Variants in MDGA2 observed in about 807,000 individuals in gnomAD.
MDGA2 encodes the protein MAM domain containing glycosylphosphatidylinositol anchor 2.
A neutral mutation model predicts 117.8 loss-of-function variants in MDGA2; 40 were observed. That is an observed-to-expected ratio of 0.34 (90% confidence interval 0.26 to 0.44). The LOEUF is 0.44. Ranked by LOEUF, MDGA2 falls within the 20% of genes least tolerant of loss-of-function variation. MDGA2 has a pLI of 1.00. For synonymous variants in MDGA2, 452 were observed against 439.0 expected (o/e 1.03, Z -0.37); for missense variants, 1,123 against 1,250.6 (o/e 0.90, Z 1.54).
intron 3 of MDGA2, among the ~76,000 whole-genome samples, chr14:47,162,077 C>T (rs2139280052): frequency 6.6e-6 from 1 of 151,682 alleles, no homozygotes; most frequent in South Asian, 2.1e-4. Context: ...TCCCAAGTAG[C>T]TGGGACTACA....
At chr14:47,214,592 A>G (rs1355134565) in intron 3 of MDGA2, among the ~76,000 whole-genome samples, 1 of 152,154 alleles carries the variant, frequency 6.6e-6, no homozygotes, top group African/African-American at 2.4e-5. Flanking sequence ...CAATAAAGAT[A>G]CATAAACTTT....
At chr14:47,242,806 C>T (rs1360764209) in intron 2 of MDGA2, among the ~76,000 whole-genome samples, 4 of 151,872 alleles carry the variant, frequency 2.6e-5, no homozygotes, top group Non-Finnish European at 5.9e-5. Context: ...TCCCATCGAC[C>T]ACCCAAGGGC....
intron 1 of MDGA2, among the ~76,000 whole-genome samples, chr14:47,538,037 TAC>T (rs1386221419): frequency 2.0e-4 from 31 of 152,206 alleles, no homozygotes; most frequent in Non-Finnish European, 4.4e-4. Flanking sequence ...TTTAAGACAA[TAC>T]AGATTCAGAT....
rs1889633608 is a variant in MDGA2 at position 47,311,494 on chromosome 14, A to G, written c.281-9944T>C. Among the ~76,000 whole-genome samples the G allele has an allele frequency of 2.0e-5, 3 of 151,906 alleles. No homozygotes were observed. In the South Asian group the frequency reaches 6.2e-4, roughly 32 times the overall value. ...CATGGACAAGTTTCTTAGCCTGTCA[A>G]AAAAAAACATCTTGGATCCCAGGAG... On this transcript the variant is annotated intron_variant, in intron 1 of 16. Coordinates refer to ENST00000399232, the MANE Select transcript of MDGA2 (RefSeq NM_001113498.3).
chr14:47,419,934 A>C (rs1892545223), intron 1 of MDGA2, among the ~76,000 whole-genome samples: 1 of 152,104 alleles, frequency 6.6e-6, no homozygotes, highest in Non-Finnish European at 1.5e-5. Context: ...AACAAGAATA[A>C]TCCAAAAATT....
chr14:47,273,474 T>C (rs1005462807), intron 2 of MDGA2, among the ~76,000 whole-genome samples: 1 of 152,156 alleles, frequency 6.6e-6, no homozygotes, highest in African/African-American at 2.4e-5. Flanking sequence ...TCATAAGGGA[T>C]TTTTTGAATT....
At chr14:47,239,139 T>TA in intron 2 of MDGA2, among the ~76,000 whole-genome samples, 1 of 151,244 alleles carries the variant, frequency 6.6e-6, no homozygotes, top group East Asian at 1.9e-4. Context: ...GAGGGCCTAA[T>TA]ATGAACCTCA....
At chr14:47,323,971 C>A (rs191646780) in intron 1 of MDGA2, among the ~76,000 whole-genome samples, 5 of 151,896 alleles carry the variant, frequency 3.3e-5, no homozygotes, top group African/African-American at 9.7e-5. Flanking sequence ...GTGGGCCAGG[C>A]GTGGTGGCTC....
chr14:47,103,913 C>A (rs10145799), intron 5 of MDGA2, among the ~76,000 whole-genome samples: 1 of 151,930 alleles, frequency 6.6e-6, no homozygotes, highest in Non-Finnish European at 1.5e-5. Flanking sequence ...GGCCCTGTGA[C>A]AGTAAGCTGT....
At chr14:47,077,018 C>T (rs1403301162) in intron 6 of MDGA2, among the ~76,000 whole-genome samples, 1 of 151,966 alleles carries the variant, frequency 6.6e-6, no homozygotes, top group Admixed American at 6.6e-5. Context: ...ACTTGTCTGG[C>T]TGGCAACTCA....
rs1219754522 is a variant in MDGA2 at position 47,199,833 on chromosome 14, C to T, written c.595+18188G>A. Among the ~76,000 whole-genome samples the T allele has an allele frequency of 3.9e-5, 6 of 152,194 alleles. No homozygotes were observed. The East Asian group carries it at 9.6e-4, about 24-fold the overall frequency. On this transcript the variant is annotated intron_variant, in intron 3 of 16. Transcript: ENST00000399232. ...TTGATAGTCAGAAGTTTTAGAACAACATAATGTATGACATTTCTACTTCAT... is the reference window on the plus strand; with the variant it reads ...TTGATAGTCAGAAGTTTTAGAACAATATAATGTATGACATTTCTACTTCAT...
At position 47,612,590 on chromosome 14, in the gene MDGA2, T is replaced by C. The variant is rs186854341; in HGVS notation, c.280+61927A>G. Among the ~76,000 whole-genome samples the C allele has an allele frequency of 7.0e-3, 1,071 of 152,226 alleles. 11 individuals are homozygous for C. The highest frequency in any genetic ancestry group is 0.014 in the Middle Eastern group (4 of 294). ...CTGTCTTTCAACTTCTCAAACAGCA[T>C]TTATAACGTAATTTTTTAAATTACT... On this transcript the variant is annotated intron_variant, in intron 1 of 16. Transcript: ENST00000399232.
At chr14:47,169,655 C>T in intron 3 of MDGA2, among the ~76,000 whole-genome samples, 1 of 151,860 alleles carries the variant, frequency 6.6e-6, no homozygotes, top group South Asian at 2.1e-4. Flanking sequence ...CAAAAGTAAG[C>T]CTAGCATTAG....
chr14:47,536,634 T>C (rs777251732), intron 1 of MDGA2, among the ~76,000 whole-genome samples: 107 of 152,236 alleles, frequency 7.0e-4, no homozygotes, highest in Non-Finnish European at 1.1e-3. Flanking sequence ...GAGTTTGTAA[T>C]GAAGTGAAAA....
chr14:47,248,593 T>A (rs562116222), intron 2 of MDGA2, among the ~76,000 whole-genome samples: 6 of 146,406 alleles, frequency 4.1e-5, no homozygotes, highest in South Asian at 2.1e-4. Context: ...TAAGTCAAAA[T>A]TGGCAGATGG....
chr14:46,846,201 G>C (rs993545092), intron 15 of MDGA2, among the ~76,000 whole-genome samples: 9 of 152,030 alleles, frequency 5.9e-5, no homozygotes, highest in Non-Finnish European at 1.3e-4. Flanking sequence ...TATTTGAAAA[G>C]TCTTTCTCTG....
chr14:47,339,813 A>G (rs1890566868), intron 1 of MDGA2, among the ~76,000 whole-genome samples: 1 of 152,128 alleles, frequency 6.6e-6, no homozygotes, highest in Admixed American at 6.6e-5. Context: ...AGACTAAGAC[A>G]TACTTAAAAA....
At chr14:47,606,425 C>A (rs1421685976) in intron 1 of MDGA2, among the ~76,000 whole-genome samples, 1 of 152,136 alleles carries the variant, frequency 6.6e-6, no homozygotes, top group African/African-American at 2.4e-5. Context: ...GTGTGGAACA[C>A]AATTTAATTC....
chr14:47,001,820 C>T (rs1011589955), intron 8 of MDGA2, among the ~76,000 whole-genome samples: 1 of 151,928 alleles, frequency 6.6e-6, no homozygotes, highest in Non-Finnish European at 1.5e-5. Context: ...GAATAAATTG[C>T]CTGGGAGAAG....
Sources: allele counts gnomAD v4.1 joint callset (sites outside exome capture counted in the v4.1 genomes callset), GRCh38; gene constraint gnomAD v4.1.1; transcripts MANE v1.5; gene names NCBI Gene and HGNC (gene_info 2026-07-23, HGNC 2026-07-21).